The following OR2T11 variants were observed in gnomAD, a reference collection of about 807,000 sequenced individuals.
The protein encoded by OR2T11 is olfactory receptor 2T11.
A neutral mutation model predicts 13.5 loss-of-function variants in OR2T11; 14 were observed. The observed-to-expected ratio is 1.04, with a 90% CI of 0.69 to 1.62. The LOEUF (loss-of-function observed/expected upper bound fraction) is 1.62, where lower values mean the gene tolerates loss of function less well. OR2T11 is among the 40% of genes most tolerant of loss of function. The probability of loss-of-function intolerance (pLI) is 0.00; values close to 1 mark genes in which losing one functional copy is unlikely to be tolerated. For synonymous variants in OR2T11, 163 were observed against 154.6 expected (o/e 1.05, Z -0.40); for missense variants, 410 against 389.7 (o/e 1.05, Z -0.44).
At position 248,629,600 on chromosome 1, in the gene OR2T11, C is replaced by A. The variant is rs138745457; in HGVS notation, c.-144-2328G>T. ...CAACCATCAAAGTCACATCGGGACC[C>A]GTGCATCCCGCCACGCCACTTTCTG... is the stretch of plus-strand genomic sequence containing the variant. On this transcript the variant is annotated intron_variant, in intron 1 of 1. Coordinates refer to ENST00000641193, the MANE Select transcript of OR2T11 (RefSeq NM_001001964.2). Among the ~76,000 whole-genome samples, 3 of 138,232 alleles carry A rather than the reference C, an allele frequency of 2.2e-5. 1 individual carries two copies. Among genetic ancestry groups the A allele is most frequent in the Non-Finnish European group, 4.6e-5 (3 of 65,058 alleles). 90.7% of individuals were successfully genotyped at this position (138,232 alleles called of 152,430 possible). A position where few individuals can be genotyped will look rare whatever the true frequency, so the allele number is the denominator to read the frequency against.
At position 248,633,719 on chromosome 1, in the gene OR2T11, CA is replaced by C. The variant is rs1301596965; in HGVS notation, c.-145+1318del. ...AACATCACTGGTCATTTCAATTAAA[CA>C]CTTTGGAAATCCAGGGAAAGAACAA... On this transcript the variant is annotated intron_variant, in intron 1 of 1. Transcript: ENST00000641193. Among the ~76,000 whole-genome samples the C allele has an allele frequency of 1.1e-4, 15 of 142,452 alleles. 2 individuals are homozygous for C. The South Asian group carries it at 3.1e-3, about 29-fold the overall frequency. The allele number at this position is 142,452 out of a possible 152,430, so 93.5% of individuals were successfully genotyped here.
At position 248,626,273 on chromosome 1, in the gene OR2T11, TGA is replaced by T; in HGVS notation, c.854_855del (p.Leu285HisfsTer14). ...ACGTCCTTGTTTCTGAGGCTGTAGATGAGAGGATTAAGCATGGGCGTGACAAT... is the reference window on the plus strand; with the variant it reads ...ACGTCCTTGTTTCTGAGGCTGTAGATGAGGATTAAGCATGGGCGTGACAAT... Reference protein sequence around the residue: ...YTIVTPMLNPLIYSLRNKDVI... With the variant: ...YTIVTPMLNPXIYSLRNKDVI... On this transcript the variant is annotated frameshift_variant, in exon 2 of 2. Coordinates refer to ENST00000641193, the MANE Select transcript of OR2T11 (RefSeq NM_001001964.2). LOFTEE classifies it high-confidence loss of function. 1 of 1,569,012 alleles carries T rather than the reference TGA, an allele frequency of 6.4e-7. No homozygotes were observed. The highest frequency in any genetic ancestry group is 1.5e-5 in the African/African-American group (1 of 66,992).
At chr1:248,634,836 AAAT>A (rs1216333825) in intron 1 of OR2T11, among the ~76,000 whole-genome samples, 199 bp downstream of exon 1, 2 of 143,330 alleles carry the variant, frequency 1.4e-5, no homozygotes, top group African/African-American at 2.8e-5. Context: ...CCTTTATGCT[AAAT>A]AATTATCTAA....
At chr1:248,631,023 G>A (rs1660605673) in intron 1 of OR2T11, among the ~76,000 whole-genome samples, 1 of 142,562 alleles carries the variant, frequency 7.0e-6, no homozygotes, top group Non-Finnish European at 1.5e-5. Flanking sequence ...CCCAAGCCAA[G>A]GAATGTAGAT....
At position 248,627,107 on chromosome 1, in the gene OR2T11, CAG is replaced by C. The variant is rs1244649121; in HGVS notation, c.20_21del (p.Ser7Ter). ...ACCAGAAGCCCCAGGAGGGTGAAGT[CAG>C]AGGATGATGTGTTCGTCATTGATAT... MTNTSSSDFTLLGLLVN... is the reference protein window; with the variant it reads MTNTSSXDFTLLGLLVN... On this transcript the variant is annotated frameshift_variant, in exon 2 of 2. Coordinates refer to ENST00000641193, the MANE Select transcript of OR2T11 (RefSeq NM_001001964.2). LOFTEE classifies it high-confidence loss of function. 2 of 1,555,578 alleles carry C rather than the reference CAG, an allele frequency of 1.3e-6. No homozygotes were observed. Among genetic ancestry groups the C allele is most frequent in the Non-Finnish European group, 1.8e-6 (2 of 1,142,754 alleles).
intron 1 of OR2T11, among the ~76,000 whole-genome samples, chr1:248,632,487 C>G (rs1200634398): frequency 7.3e-6 from 1 of 137,072 alleles, no homozygotes; most frequent in African/African-American, 2.9e-5. Context: ...AACTAAGTTA[C>G]AGGAGAGTCT....
rs1028124637 is a variant in OR2T11 at position 248,624,708 on chromosome 1, C to A, written c.*1470G>T. ...CTAATCTGAAGTACAATTGACTTTA[C>A]ATATAGCTTCAATATCTTTCTGTAT... On this transcript the variant is annotated 3_prime_UTR_variant, in exon 2 of 2. Transcript: ENST00000641193. 2.1e-5 allele frequency: 3 copies of A among 144,140 alleles called. No individual in the cohort carries two copies. The highest frequency in any genetic ancestry group is 2.2e-4 in the South Asian group (1 of 4,626). The allele number at this position is 144,140 out of a possible 1,614,324, so 8.9% of individuals were successfully genotyped here. A position where few individuals can be genotyped will look rare whatever the true frequency, so the allele number is the denominator to read the frequency against.
At position 248,626,768 on chromosome 1, in the gene OR2T11, C is replaced by T. The variant is rs369085517; in HGVS notation, c.361G>A (p.Val121Met). The T allele has an allele frequency of 3.8e-5, 60 of 1,570,596 alleles. 5 individuals carry two copies. The highest frequency in any genetic ancestry group is 4.8e-5 in the Non-Finnish European group (56 of 1,155,246). The change falls in exon 2 of 2, where the codon GTG (valine) becomes ATG (methionine). Residue 121 changes from valine to methionine, a missense_variant. Transcript: ENST00000641193. Reference protein sequence around the residue: ...LLGLMAYDCYVAVCNPLRYPV... With the variant: ...LLGLMAYDCYMAVCNPLRYPV... Reference sequence around the variant, plus strand: ...TATCTCAGAGGGTTACAGACAGCCACGTAGCAGTCATAGGCCATGAGGCCC... The same window carrying T: ...TATCTCAGAGGGTTACAGACAGCCATGTAGCAGTCATAGGCCATGAGGCCC...
chr1:248,629,212 G>T (rs1660568952), intron 1 of OR2T11, among the ~76,000 whole-genome samples: 1 of 142,184 alleles, frequency 7.0e-6, no homozygotes, highest in Non-Finnish European at 1.5e-5. Flanking sequence ...TTTGAGATGA[G>T]CCTGGGTAAC....
At chr1:248,634,758 A>G (rs1660662831) in intron 1 of OR2T11, among the ~76,000 whole-genome samples, 1 of 142,740 alleles carries the variant, frequency 7.0e-6, no homozygotes, top group Non-Finnish European at 1.5e-5. Flanking sequence ...CAGTTGTCCA[A>G]CTTGACAGGG....
At position 248,626,938 on chromosome 1, in the gene OR2T11, G is replaced by T; in HGVS notation, c.191C>A (p.Ser64Tyr). 6.4e-7 allele frequency: 1 copy of T among 1,571,896 alleles called. No homozygotes were observed. Among genetic ancestry groups the T allele is most frequent in the South Asian group, 1.1e-5 (1 of 88,864 alleles). The change falls in exon 2 of 2, where the codon TCC (serine) becomes TAC (tyrosine). Residue 64 changes from serine (S) to tyrosine (Y), a missense_variant. Transcript: ENST00000641193. ...ACAGATGAAAAGGGTGTCCATGATG[G>T]ACAGCTGACTGAGCAGAAAGTACAT... is the stretch of plus-strand genomic sequence containing the variant. The part of the protein sequence containing the change: ...TPMYFLLSQL[S>Y]IMDTLFICTT...
rs547216134 is a variant in OR2T11 at position 248,626,453 on chromosome 1, G to T, written c.676C>A (p.Pro226Thr). The change falls in exon 2 of 2, where the codon CCC becomes ACC. Residue 226 changes from proline (P) to threonine (T), a missense_variant. Coordinates refer to ENST00000641193, the MANE Select transcript of OR2T11 (RefSeq NM_001001964.2). ...GCCTTTTTGCGACCTTCAGCAGAGGGCATGCGGTGGATGGTTAACAAGATG... is the reference window on the plus strand; with the variant it reads ...GCCTTTTTGCGACCTTCAGCAGAGGTCATGCGGTGGATGGTTAACAAGATG... ...SLILLTIHRM[P>T]SAEGRKKAFT... 174 of 1,572,528 alleles carry T rather than the reference G, an allele frequency of 1.1e-4. 30 individuals carry two copies. The South Asian group carries it at 1.8e-3, about 16-fold the overall frequency.
intron 1 of OR2T11, among the ~76,000 whole-genome samples, 192 bp downstream of exon 1, chr1:248,634,842 TTATC>T (rs1246721948): frequency 1.4e-5 from 2 of 144,258 alleles, no homozygotes; most frequent in African/African-American, 5.4e-5. Flanking sequence ...TGCTAAATAA[TTATC>T]TAATTATCTT....
Position 248,628,406 on chromosome 1 carries a change from G to A in OR2T11, c.-144-1134C>T, listed in dbSNP as rs992941299. 2.4e-4 allele frequency among the ~76,000 whole-genome samples: 34 copies of A among 139,706 alleles called. 5 individuals carry two copies. The highest frequency in any genetic ancestry group is 7.2e-4 in the African/African-American group (25 of 34,730). 91.7% of individuals were successfully genotyped at this position (139,706 alleles called of 152,430 possible). On this transcript the variant is annotated intron_variant, in intron 1 of 1. Coordinates refer to ENST00000641193, the MANE Select transcript of OR2T11 (RefSeq NM_001001964.2). ...GTGTAAAAATGAAAGTCCGATCAACGGGGGAGCCCGGATGCTGCAGGGTTT... is the reference window on the plus strand; with the variant it reads ...GTGTAAAAATGAAAGTCCGATCAACAGGGGAGCCCGGATGCTGCAGGGTTT...
chr1:248,627,411 A>G, intron 1 of OR2T11, 139 bp from the exon 2 acceptor site: 2 of 425,504 alleles, frequency 4.7e-6, no homozygotes, highest in Admixed American at 7.6e-5. Context: ...GCGTGATACA[A>G]TTGCTGTATG....
rs1367027314 is a variant in OR2T11 at position 248,626,483 on chromosome 1, A to T, written c.646T>A (p.Ser216Thr). The stretch of plus-strand genomic sequence containing the variant: ...CGGTGGATGGTTAACAAGATGAGGG[A>T]GTAGGAAGTGGAGATGATAGAGATG... The part of the protein sequence containing the change: ...IPISIISTSY[S>T]LILLTIHRMP... The change falls in exon 2 of 2, where the codon TCC becomes ACC. Residue 216 changes from serine to threonine, a missense_variant. Ser to Thr is a moderately conservative substitution (Grantham distance 58). Coordinates refer to ENST00000641193, the MANE Select transcript of OR2T11 (RefSeq NM_001001964.2). 1.9e-6 allele frequency: 3 copies of T among 1,572,586 alleles called. No individual in the cohort carries two copies. Among genetic ancestry groups the T allele is most frequent in the Non-Finnish European group, 2.6e-6 (3 of 1,156,484 alleles).
intron 1 of OR2T11, among the ~76,000 whole-genome samples, chr1:248,632,630 T>G (rs1660629870): frequency 8.4e-6 from 1 of 118,820 alleles, no homozygotes; most frequent in South Asian, 2.8e-4. Flanking sequence ...TTTGGCCTCT[T>G]GCCAATCAAG....
At position 248,626,268 on chromosome 1, in the gene OR2T11, G is replaced by A. The variant is rs1660516016; in HGVS notation, c.861C>T (p.Tyr287=). 1 of 1,569,122 alleles carries A rather than the reference G, an allele frequency of 6.4e-7. No individual in the cohort carries two copies. Among genetic ancestry groups the A allele is most frequent in the African/African-American group, 1.5e-5 (1 of 66,956 alleles). ...IVTPMLNPLI[Y]SLRNKDVIGA... ...CTATGACGTCCTTGTTTCTGAGGCT[G>A]TAGATGAGAGGATTAAGCATGGGCG... The change falls in exon 2 of 2, where the codon TAC becomes TAT. Residue 287 remains tyrosine (Y), a synonymous_variant. Transcript: ENST00000641193.
In OR2T11 at chr1:248,626,030, T is replaced by C. The variant is rs1660510755; in HGVS notation, c.*148A>G. 2 of 550,394 alleles carry C rather than the reference T, an allele frequency of 3.6e-6. No individual in the cohort carries two copies. Among genetic ancestry groups the C allele is most frequent in the African/African-American group, 4.3e-5 (2 of 46,876 alleles). The allele number at this position is 550,394 out of a possible 1,614,324, so 34.1% of individuals were successfully genotyped here. ...TGCATAACAGTAAAACATCTTTCCCTTGCTCCCGAGGAGCAAGAATCCAGA... is the reference window on the plus strand; with the variant it reads ...TGCATAACAGTAAAACATCTTTCCCCTGCTCCCGAGGAGCAAGAATCCAGA... On this transcript the variant is annotated 3_prime_UTR_variant, in exon 2 of 2. Coordinates refer to ENST00000641193, the MANE Select transcript of OR2T11 (RefSeq NM_001001964.2).
Sources: allele counts gnomAD v4.1 joint callset (sites outside exome capture counted in the v4.1 genomes callset), GRCh38; gene constraint gnomAD v4.1.1; transcripts MANE v1.5; gene names NCBI Gene and HGNC (gene_info 2026-07-23, HGNC 2026-07-21).